Variants in PDZD2 observed in about 807,000 individuals in gnomAD.
The protein encoded by PDZD2 is PDZ domain-containing protein 2.
Under a neutral mutation model 220.7 loss-of-function variants are expected in PDZD2, and 90 were observed. The observed-to-expected ratio is 0.41, with a 90% CI of 0.34 to 0.49. PDZD2 has a LOEUF of 0.49. Among genes scored for constraint, PDZD2 ranks in the 20% least tolerant of loss-of-function variants. The pLI is 0.28. For missense variants in PDZD2, 3,174 were observed against 3,608.5 expected, an observed-to-expected ratio of 0.88 and a Z score of 3.08; for synonymous variants, 1,375 against 1,450.5, an observed-to-expected ratio of 0.95 and a Z score of 1.18.
chr5:31,980,690 T>A (rs1283522121), intron 2 of PDZD2, among the ~76,000 whole-genome samples: 1 of 152,188 alleles, frequency 6.6e-6, no homozygotes, highest in Non-Finnish European at 1.5e-5. Flanking sequence ...ATGGAAAAAA[T>A]GTTTACAATG....
intron 2 of PDZD2, among the ~76,000 whole-genome samples, chr5:31,967,313 G>C (rs4867408): frequency 0.96 from 146,037 of 152,236 alleles, 70,089 homozygotes; most frequent in African/African-American, 0.99. Flanking sequence ...ACGGGAATCT[G>C]CCTTCTTTTA....
At chr5:31,851,082 T>C (rs116836163) in intron 2 of PDZD2, among the ~76,000 whole-genome samples, 44 of 152,304 alleles carry the variant, frequency 2.9e-4, no homozygotes, top group African/African-American at 1.1e-3. Flanking sequence ...TTTTTCACTC[T>C]AGACTAAACA....
intron 1 of PDZD2, among the ~76,000 whole-genome samples, chr5:31,667,389 CAG>C (rs1746038305): frequency 6.6e-6 from 1 of 152,052 alleles, no homozygotes; most frequent in African/African-American, 2.4e-5. Context: ...AGACACGAAA[CAG>C]AAACCAGAGA....
In PDZD2 at chr5:32,060,988, G is replaced by C. The variant is rs753241389; in HGVS notation, c.2319-14G>C. Reference sequence around the variant, plus strand: ...GCTGCTAACACAGAGTGTGGATTCTGTTGCCCTCCCTAGCCGCGGGGATCA... The same window carrying C: ...GCTGCTAACACAGAGTGTGGATTCTCTTGCCCTCCCTAGCCGCGGGGATCA... On this transcript the variant is annotated splice_polypyrimidine_tract_variant and intron_variant, in intron 13 of 24. Coordinates refer to ENST00000438447, the MANE Select transcript of PDZD2 (RefSeq NM_178140.4). 1 of 1,614,066 alleles carries C rather than the reference G, an allele frequency of 6.2e-7. No individual in the cohort carries two copies.
chr5:31,751,099 G>A (rs994915701), intron 1 of PDZD2, among the ~76,000 whole-genome samples: 4 of 152,068 alleles, frequency 2.6e-5, no homozygotes, highest in Admixed American at 6.5e-5. Context: ...AAAAGTACCT[G>A]GGCGTGGTGG....
intron 5 of PDZD2, among the ~76,000 whole-genome samples, chr5:32,003,410 CCA>C (rs1478421047): frequency 3.0e-5 from 3 of 100,988 alleles, no homozygotes; most frequent in Admixed American, 1.1e-4. Flanking sequence ...ACACACTCCT[CCA>C]CACACACACC....
intron 2 of PDZD2, among the ~76,000 whole-genome samples, chr5:31,867,628 C>CTG (rs1738350345): frequency 6.6e-6 from 1 of 152,160 alleles, no homozygotes; most frequent in Admixed American, 6.5e-5. Flanking sequence ...TTTGGCTCCA[C>CTG]TAAATCTACA....
chr5:31,797,347 A>G (rs1754107977), intron 1 of PDZD2, among the ~76,000 whole-genome samples: 2 of 152,056 alleles, frequency 1.3e-5, no homozygotes, highest in Admixed American at 1.3e-4. Context: ...AAAATGTCTT[A>G]TAAATTATTA....
chr5:31,847,892 C>G (rs747490696), intron 2 of PDZD2: 3 of 485,348 alleles, frequency 6.2e-6, no homozygotes, highest in Non-Finnish European at 1.2e-5. Context: ...AGATTACATG[C>G]GTTACCTAAT....
At chr5:32,036,581 G>A (rs1755575870) in intron 6 of PDZD2, among the ~76,000 whole-genome samples, 1 of 152,088 alleles carries the variant, frequency 6.6e-6, no homozygotes, top group Admixed American at 6.6e-5. Flanking sequence ...TCACCTCCTG[G>A]GGTCACACAA....
At chr5:31,717,244 G>A (rs1403278693) in intron 1 of PDZD2, among the ~76,000 whole-genome samples, 3 of 152,192 alleles carry the variant, frequency 2.0e-5, no homozygotes, top group Non-Finnish European at 4.4e-5. Context: ...TCCTGGGTGT[G>A]TGGAGGCCCT....
rs371307575 is a variant in PDZD2, at chr5:32,027,023, C to G, written c.1408-10208C>G. On this transcript the variant is annotated intron_variant, in intron 6 of 24. Transcript: ENST00000438447. The stretch of plus-strand genomic sequence containing the variant: ...GCTCAAGCAATTCTCCTGCCTCAGC[C>G]TCCTGAGTAACTGGGATTACAGGTG... Among the ~76,000 whole-genome samples, 236 of 152,334 alleles carry G rather than the reference C, an allele frequency of 1.5e-3. 1 individual carries two copies. The highest frequency in any genetic ancestry group is 5.1e-3 in the African/African-American group (212 of 41,576).
intron 1 of PDZD2, among the ~76,000 whole-genome samples, chr5:31,762,668 G>A (rs1198341846): frequency 2.0e-5 from 3 of 152,214 alleles, no homozygotes; most frequent in Non-Finnish European, 4.4e-5. Flanking sequence ...GTTCACAGCT[G>A]TGCATCAACT....
At chr5:32,042,408 A>C (rs1756268804) in intron 7 of PDZD2, among the ~76,000 whole-genome samples, 1 of 124,992 alleles carries the variant, frequency 8.0e-6, no homozygotes, top group Non-Finnish European at 1.6e-5. Flanking sequence ...CTAAAAATAC[A>C]AAAAAAAAAA....
At chr5:31,756,840 C>T (rs2150182929) in intron 1 of PDZD2, among the ~76,000 whole-genome samples, 2 of 152,382 alleles carry the variant, frequency 1.3e-5, no homozygotes, top group South Asian at 4.1e-4. Context: ...GACACACAAG[C>T]CCTAGGGCAG....
intron 2 of PDZD2, among the ~76,000 whole-genome samples, chr5:31,861,991 T>C (rs2150312790): frequency 6.6e-6 from 1 of 152,194 alleles, no homozygotes; most frequent in African/African-American, 2.4e-5. Flanking sequence ...TTCATCATTA[T>C]ATCCTGAACA....
intron 6 of PDZD2, among the ~76,000 whole-genome samples, chr5:32,013,322 C>CTTTTTTTT (rs11428109): frequency 7.4e-6 from 1 of 135,830 alleles, no homozygotes. Flanking sequence ...TCTGTGTTAT[C>CTTTTTTTT]TTTTTTTTTT....
intron 1 of PDZD2, among the ~76,000 whole-genome samples, chr5:31,696,703 T>C (rs1747394688): frequency 6.6e-6 from 1 of 152,202 alleles, no homozygotes; most frequent in African/African-American, 2.4e-5. Context: ...AAAGGATACA[T>C]TTCCCTAGAA....
At chr5:31,657,800 T>A (rs1056755942) in intron 1 of PDZD2, among the ~76,000 whole-genome samples, 1 of 151,918 alleles carries the variant, frequency 6.6e-6, no homozygotes, top group Admixed American at 6.6e-5. Flanking sequence ...TCGGCGCTAG[T>A]CCTGCACATC....
Sources: allele counts gnomAD v4.1 joint callset (sites outside exome capture counted in the v4.1 genomes callset), GRCh38; gene constraint gnomAD v4.1.1; transcripts MANE v1.5; gene names NCBI Gene and HGNC (gene_info 2026-07-23, HGNC 2026-07-21).